The following USP39 variants were observed in gnomAD, a reference collection of about 807,000 sequenced individuals.
The protein encoded by USP39 is ubiquitin specific peptidase 39.
In USP39, 38 loss-of-function variants were observed where a neutral mutation model predicts 66.4. The ratio of observed to expected loss-of-function variants is 0.57; its 90% confidence interval spans 0.44 to 0.75. The LOEUF (loss-of-function observed/expected upper bound fraction) is 0.75, where lower values mean the gene tolerates loss of function less well. Ranked by LOEUF, USP39 falls within the 30% of genes least tolerant of loss-of-function variation. The probability of loss-of-function intolerance (pLI) is 0.00; values close to 1 mark genes in which losing one functional copy is unlikely to be tolerated. For synonymous variants in USP39, 303 were observed against 274.6 expected, an observed-to-expected ratio of 1.10 and a Z score of -1.02; for missense variants, 608 against 714.4, an observed-to-expected ratio of 0.85 and a Z score of 1.70.
Position 85,639,365 on chromosome 2 carries a change from G to A in USP39, c.1258G>A (p.Ala420Thr). 6.2e-7 allele frequency: 1 copy of A among 1,613,702 alleles called. No homozygotes were observed. The highest frequency in any genetic ancestry group is 8.5e-7 in the Non-Finnish European group (1 of 1,179,954). ...IPQVPLFNIL[A>T]KFNGITEKEY... ...CCAAGTGCCACTCTTCAACATCCTG[G>A]CTAAGTTCAATGGCATCACTGAGAA... Residue 420 changes from alanine to threonine, a missense_variant, in exon 9 of 13, where the codon GCT (alanine) becomes ACT (threonine). Physicochemically the swap from Ala to Thr is moderately conservative, Grantham distance 58. Coordinates refer to ENST00000323701, the MANE Select transcript of USP39 (RefSeq NM_006590.4).
At position 85,630,850 on chromosome 2, in the gene USP39, T is replaced by C; in HGVS notation, c.853T>C (p.Trp285Arg). 7 of 1,614,228 alleles carry C rather than the reference T, an allele frequency of 4.3e-6. No individual in the cohort carries two copies. The highest frequency in any genetic ancestry group is 5.9e-6 in the Non-Finnish European group (7 of 1,180,034). The change falls in exon 6 of 13, where the codon TGG (tryptophan) becomes CGG (arginine). Residue 285 changes from tryptophan to arginine, a missense_variant. Around this residue, in one of 6 missense-constraint regions of USP39, gnomAD observed 17 missense variants for 38.0 expected, o/e 0.45. Coordinates refer to ENST00000323701, the MANE Select transcript of USP39 (RefSeq NM_006590.4). The part of the protein sequence containing the change: ...QRFGELMRKL[W>R]NPRNFKAHVS... ...TTTTGGAGAGCTGATGAGAAAGCTC[T>C]GGAACCCTCGAAATTTCAAGGCACA...
upstream of USP39, chr2:85,612,111 C>G: frequency 1.1e-6 from 1 of 950,064 alleles, no homozygotes; most frequent in Non-Finnish European, 1.5e-6. Context: ...CTGGGAGGCC[C>G]CGGCCTGGCC....
intron 6 of USP39, among the ~76,000 whole-genome samples, chr2:85,631,896 C>T (rs1044354544): frequency 6.6e-5 from 10 of 151,750 alleles, no homozygotes; most frequent in Non-Finnish European, 1.0e-4. Context: ...TTACAGGTGC[C>T]CGCCAACATG....
upstream of USP39, chr2:85,609,161 G>A (rs775330307): frequency 7.7e-4 from 1,171 of 1,518,086 alleles, 2 homozygotes; most frequent in Middle Eastern, 3.2e-3. Flanking sequence ...ACTCCATTTA[G>A]CTCAAGGCTT....
chr2:85,637,308 A>G lies in USP39; in HGVS notation c.1028-61A>G, dbSNP rs1675850034. 3.2e-6 allele frequency: 5 copies of G among 1,576,816 alleles called. No individual in the cohort carries two copies. The Admixed American group carries it at 6.7e-5, about 21-fold the overall frequency. ...TATTTCAGAAATTTAGAAGCTGGAA[A>G]TATACTTCAGACATGTTTTCCATCC... On this transcript the variant is annotated intron_variant, in intron 7 of 12. Coordinates refer to ENST00000323701, the MANE Select transcript of USP39 (RefSeq NM_006590.4).
At chr2:85,620,114 T>C (rs1179247805) in intron 2 of USP39, among the ~76,000 whole-genome samples, 1 of 151,298 alleles carries the variant, frequency 6.6e-6, no homozygotes, top group Non-Finnish European at 1.5e-5. Context: ...TGCCTTGGCC[T>C]CCCAAAGTGC....
Position 85,648,842 on chromosome 2 carries a change from T to C in USP39, c.*34T>C. 1 of 1,612,300 alleles carries C rather than the reference T, an allele frequency of 6.2e-7. No individual in the cohort carries two copies. Among genetic ancestry groups the C allele is most frequent in the South Asian group, 1.1e-5 (1 of 91,018 alleles). On this transcript the variant is annotated 3_prime_UTR_variant, in exon 13 of 13. Coordinates refer to ENST00000323701, the MANE Select transcript of USP39 (RefSeq NM_006590.4). ...TCTAGGGCTTTGCTCCCAAGGGCTG[T>C]GGCTGATGATGGTAAATAAGAACAC...
At chr2:85,623,903 G>T in intron 4 of USP39, 121 bp downstream of exon 4, 1 of 1,179,812 alleles carries the variant, frequency 8.5e-7, no homozygotes, top group South Asian at 1.6e-5. Context: ...TCGAGAGGCT[G>T]CTTTCTCTTT....
chr2:85,624,371 G>A (rs1467864375), intron 4 of USP39, among the ~76,000 whole-genome samples: 11 of 151,646 alleles, frequency 7.3e-5, no homozygotes, highest in Admixed American at 7.2e-4. Context: ...TTTGAGACAG[G>A]GTCTCACTTT....
In USP39 at chr2:85,639,203, C is replaced by G; in HGVS notation, c.1096C>G (p.Pro366Ala). The change falls in exon 9 of 13, where the codon CCA becomes GCA. Residue 366 changes from proline (P) to alanine (A), a missense_variant and splice_region_variant. Around this residue, in one of 6 missense-constraint regions of USP39, gnomAD observed 164 missense variants for 250.3 expected, o/e 0.66. Coordinates refer to ENST00000323701, the MANE Select transcript of USP39 (RefSeq NM_006590.4). ...FTKKLPHPDL[P>A]AEEKEQLLHN... is the part of the protein sequence containing the mutation. ...CTCTTTTCTTCTCATTCATTTCTAG[C>G]CAGCAGAAGAAAAAGAGCAGTTGCT... 3.7e-6 allele frequency: 6 copies of G among 1,611,104 alleles called. No homozygotes were observed. Among genetic ancestry groups the G allele is most frequent in the Non-Finnish European group, 5.1e-6 (6 of 1,178,202 alleles).
chr2:85,617,825 C>T (rs1028669979), intron 1 of USP39, among the ~76,000 whole-genome samples: 6 of 152,128 alleles, frequency 3.9e-5, no homozygotes, highest in African/African-American at 1.4e-4. Flanking sequence ...TATTTCAGGC[C>T]AGGTAGTCAC....
intron 3 of USP39, 45 bp downstream of exon 3, chr2:85,621,624 C>CTT (rs35865728): frequency 2.1e-4 from 227 of 1,101,858 alleles, no homozygotes; most frequent in Non-Finnish European, 2.3e-4. Flanking sequence ...TCCAGAGGGA[C>CTT]TTTTTTTTTT....
intron 2 of USP39, among the ~76,000 whole-genome samples, chr2:85,620,073 A>G (rs1003415056): frequency 6.6e-6 from 1 of 151,462 alleles, no homozygotes; most frequent in African/African-American, 2.4e-5. Flanking sequence ...GGCCAGGCTG[A>G]CCTCAAACTC....
chr2:85,614,839 A>G (rs2104192115), upstream of USP39, among the ~76,000 whole-genome samples: 1 of 152,328 alleles, frequency 6.6e-6, no homozygotes, highest in South Asian at 2.1e-4. Context: ...AGACATCTCT[A>G]GGCTAGGAAT....
intron 10 of USP39, among the ~76,000 whole-genome samples, chr2:85,642,309 G>C (rs1676296039): frequency 6.6e-6 from 1 of 152,214 alleles, no homozygotes; most frequent in Admixed American, 6.5e-5. Flanking sequence ...TTTGTTCTCT[G>C]CCTCCTTGAG....
chr2:85,612,449 G>GA, upstream of USP39: 1 of 1,327,186 alleles, frequency 7.5e-7, no homozygotes, highest in Non-Finnish European at 1.0e-6. Flanking sequence ...ATTAGTAAAT[G>GA]GGAACACCTA....
intron 2 of USP39, 132 bp from the exon 3 acceptor site, chr2:85,621,353 G>C: frequency 1.4e-6 from 1 of 691,762 alleles, no homozygotes; most frequent in African/African-American, 1.8e-5. Flanking sequence ...GTCCCCCATG[G>C]TGTATATATG....
chr2:85,621,400 C>T lies in USP39; in HGVS notation c.339-85C>T, dbSNP rs978782271. ...TTTTCTGAAGGATGTTATGTGGTAT[C>T]ATGGGTCACAGAGCCAGCACTGCTT... is the stretch of plus-strand genomic sequence containing the variant. On this transcript the variant is annotated intron_variant, in intron 2 of 12. Transcript: ENST00000323701. 3 of 1,123,776 alleles carry T rather than the reference C, an allele frequency of 2.7e-6. No homozygotes were observed. The African/African-American group carries it at 4.6e-5, about 17-fold the overall frequency. The allele number at this position is 1,123,776 out of a possible 1,614,324, so 69.6% of individuals were successfully genotyped here.
chr2:85,609,566 T>C (rs1464803184), upstream of USP39: 1 of 1,614,182 alleles, frequency 6.2e-7, no homozygotes, highest in African/African-American at 1.3e-5. Flanking sequence ...TAGTCTGGGT[T>C]GCGTGGGTGG....
Sources: gnomAD v4.1 joint callset for allele counts (sites outside exome capture counted in the v4.1 genomes callset) on GRCh38, gnomAD v4.1.1 for gene constraint, gnomAD v4.1.1 regional missense constraint, MANE v1.5 for transcripts, NCBI Gene and HGNC (gene_info 2026-07-23, HGNC 2026-07-21) for gene names.